WWOX: variants seen among roughly 807,000 people sequenced by gnomAD.
The protein encoded by WWOX is WW domain-containing oxidoreductase.
Under a neutral mutation model 46.2 loss-of-function variants are expected in WWOX, and 69 were observed. The ratio of observed to expected loss-of-function variants is 1.49; its 90% CI spans 1.23 to 1.82. WWOX has a LOEUF of 1.82. WWOX is among the 40% of genes most tolerant of loss of function. The pLI is 0.00. For synonymous variants in WWOX, 359 were observed against 202.6 expected, an observed-to-expected ratio of 1.77 and a Z score of -6.56; for missense variants, 919 against 542.6, an observed-to-expected ratio of 1.69 and a Z score of -6.89.
At chr16:79,187,054 A>G (rs1020241908) in intron 8 of WWOX, among the ~76,000 whole-genome samples, 2 of 152,208 alleles carry the variant, frequency 1.3e-5, no homozygotes, top group African/African-American at 2.4e-5. Context: ...CAGAGCAGGA[A>G]GTAGAATGAC....
intron 6 of WWOX, among the ~76,000 whole-genome samples, chr16:78,409,579 A>T (rs1234233458): frequency 6.6e-6 from 1 of 152,162 alleles, no homozygotes; most frequent in Non-Finnish European, 1.5e-5. Context: ...AACATACACT[A>T]TCTCACTCTG....
intron 5 of WWOX, among the ~76,000 whole-genome samples, chr16:78,291,040 G>C (rs954569356): frequency 2.9e-4 from 44 of 152,082 alleles, no homozygotes; most frequent in African/African-American, 9.9e-4. Flanking sequence ...GCTGGTGTTA[G>C]GATGCCGTGG....
intron 8 of WWOX, among the ~76,000 whole-genome samples, chr16:78,554,963 C>A (rs927313029): frequency 1.3e-5 from 2 of 152,232 alleles, no homozygotes; most frequent in Non-Finnish European, 2.9e-5. Context: ...CCACAAAGCA[C>A]TGAGTAAGAA....
chr16:78,935,834 C>T (rs1351789362), intron 8 of WWOX, among the ~76,000 whole-genome samples: 1 of 152,032 alleles, frequency 6.6e-6, no homozygotes, highest in Non-Finnish European at 1.5e-5. Flanking sequence ...ATCACTTCAG[C>T]TCAGGTGGTA....
chr16:78,223,844 C>T (rs1372714359), intron 5 of WWOX, among the ~76,000 whole-genome samples: 1 of 152,142 alleles, frequency 6.6e-6, no homozygotes, highest in South Asian at 2.1e-4. Flanking sequence ...ATTTACATGT[C>T]AAGACTATAT....
intron 5 of WWOX, among the ~76,000 whole-genome samples, chr16:78,301,719 A>C (rs978042763): frequency 1.3e-5 from 2 of 152,206 alleles, no homozygotes; most frequent in Non-Finnish European, 1.5e-5. Flanking sequence ...AAGACTGAGA[A>C]TTGGAAATCA....
At chr16:79,000,149 A>G (rs1029999171) in intron 8 of WWOX, among the ~76,000 whole-genome samples, 11 of 152,132 alleles carry the variant, frequency 7.2e-5, no homozygotes, top group Admixed American at 7.2e-4. Flanking sequence ...GACACATTTA[A>G]CACCATCTCC....
intron 8 of WWOX, among the ~76,000 whole-genome samples, chr16:78,788,935 G>C (rs114378275): frequency 6.6e-6 from 1 of 152,312 alleles, no homozygotes; most frequent in South Asian, 2.1e-4. Context: ...AAGTTGAGTT[G>C]TAAAAGTTGT....
intron 8 of WWOX, among the ~76,000 whole-genome samples, chr16:78,529,461 T>C (rs1264682521): frequency 6.6e-6 from 1 of 151,506 alleles, no homozygotes; most frequent in African/African-American, 2.4e-5. Context: ...CTTCTCAGAA[T>C]GTTTTTCGTT....
chr16:79,022,721 G>A (rs1597289851), intron 8 of WWOX, among the ~76,000 whole-genome samples: 1 of 152,140 alleles, frequency 6.6e-6, no homozygotes, highest in East Asian at 1.9e-4. Flanking sequence ...GGGAGGGGAG[G>A]CCAAGAAGAG....
chr16:78,642,648 C>G (rs537926356), intron 8 of WWOX, among the ~76,000 whole-genome samples: 3 of 152,084 alleles, frequency 2.0e-5, no homozygotes, highest in Non-Finnish European at 4.4e-5. Flanking sequence ...GATGAAGACT[C>G]CCTTTCATGT....
intron 8 of WWOX, among the ~76,000 whole-genome samples, chr16:79,071,215 C>A (rs2048544298): frequency 6.6e-6 from 1 of 152,170 alleles, no homozygotes; most frequent in Non-Finnish European, 1.5e-5. Context: ...TCAGGTGAGT[C>A]TCACATTGTA....
intron 8 of WWOX, among the ~76,000 whole-genome samples, chr16:78,599,281 C>G (rs1434225589): frequency 1.3e-5 from 2 of 152,300 alleles, no homozygotes; most frequent in Non-Finnish European, 2.9e-5. Flanking sequence ...CTGTGAACCT[C>G]CGGGATCTCT....
At chr16:78,331,922 A>G (rs1320791004) in intron 5 of WWOX, among the ~76,000 whole-genome samples, 2 of 152,160 alleles carry the variant, frequency 1.3e-5, no homozygotes, top group Admixed American at 1.3e-4. Context: ...CAATGTGCCA[A>G]CAGGGAGAAG....
At chr16:79,169,008 C>A (rs2050648855) in intron 8 of WWOX, among the ~76,000 whole-genome samples, 1 of 152,158 alleles carries the variant, frequency 6.6e-6, no homozygotes, top group Admixed American at 6.5e-5. Context: ...ATCTTTTCAC[C>A]CCTTTAAAGT....
rs185366046 is a variant in WWOX at position 78,872,313 on chromosome 16, A to C, written c.1057-339295A>C. ...CTCATAAGAAAGATGGGCATAAGGA[A>C]ATAATGTAGGGAAAACACTTGTTGC... On this transcript the variant is annotated intron_variant, in intron 8 of 8. Coordinates refer to ENST00000566780, the MANE Select transcript of WWOX (RefSeq NM_016373.4). Among the ~76,000 whole-genome samples the C allele has an allele frequency of 3.3e-3, 499 of 152,326 alleles. 2 individuals are homozygous for C. Among genetic ancestry groups the C allele is most frequent in the African/African-American group, 0.011 (474 of 41,578 alleles).
At chr16:78,770,010 C>G (rs756619916) in intron 8 of WWOX, among the ~76,000 whole-genome samples, 1 of 151,954 alleles carries the variant, frequency 6.6e-6, no homozygotes, top group Non-Finnish European at 1.5e-5. Context: ...CACCTCTGTA[C>G]TACAGCCTGG....
At chr16:78,714,149 A>G (rs1415043058) in intron 8 of WWOX, among the ~76,000 whole-genome samples, 2 of 152,166 alleles carry the variant, frequency 1.3e-5, no homozygotes, top group Non-Finnish European at 2.9e-5. Flanking sequence ...GAAGTGTTAG[A>G]TGTACTGTCA....
intron 8 of WWOX, among the ~76,000 whole-genome samples, chr16:79,102,519 G>C (rs927326887): frequency 2.0e-5 from 3 of 152,190 alleles, no homozygotes; most frequent in African/African-American, 7.2e-5. Flanking sequence ...TTTCAAGATT[G>C]TTAAAAGTTG....
Sources: gnomAD v4.1 joint callset for allele counts (sites outside exome capture counted in the v4.1 genomes callset) on GRCh38, gnomAD v4.1.1 for gene constraint, MANE v1.5 for transcripts, NCBI Gene and HGNC (gene_info 2026-07-23, HGNC 2026-07-21) for gene names.